Variants in ITSN2 observed in about 807,000 individuals in gnomAD.
ITSN2 encodes intersectin-2.
A neutral mutation model predicts 243.7 loss-of-function variants in ITSN2; 156 were observed. The ratio of observed to expected loss-of-function variants is 0.64; its 90% CI spans 0.56 to 0.73. ITSN2 has a LOEUF of 0.73. Ranked by LOEUF, ITSN2 falls within the 30% of genes least tolerant of loss-of-function variation. ITSN2 has a pLI of 0.00. For synonymous variants in ITSN2, 703 were observed against 699.9 expected (o/e 1.00, Z -0.07); for missense variants, 1,801 against 1,996.1 (o/e 0.90, Z 1.86).
chr2:24,330,034 ATTC>A (rs1685597647), intron 1 of ITSN2, among the ~76,000 whole-genome samples: 1 of 152,252 alleles, frequency 6.6e-6, no homozygotes, highest in Middle Eastern at 3.2e-3. Flanking sequence ...AAGGGCCCTT[ATTC>A]ATTAGTTTTC....
intron 7 of ITSN2, among the ~76,000 whole-genome samples, chr2:24,309,720 A>T (rs1339437982): frequency 6.6e-6 from 1 of 152,210 alleles, no homozygotes; most frequent in Non-Finnish European, 1.5e-5. Context: ...TTAGATGGGT[A>T]AACTATGGCT....
At chr2:24,289,039 A>C (rs956797678) in intron 15 of ITSN2, among the ~76,000 whole-genome samples, 5 of 152,306 alleles carry the variant, frequency 3.3e-5, no homozygotes, top group East Asian at 3.9e-4. Flanking sequence ...TAATATTTGC[A>C]AACAGGCAGT....
At chr2:24,236,626 A>G (rs1416952055) in intron 29 of ITSN2, among the ~76,000 whole-genome samples, 1 of 149,576 alleles carries the variant, frequency 6.7e-6, no homozygotes, top group African/African-American at 2.5e-5. Flanking sequence ...TCCTTTTTAC[A>G]TAGAGAAAAG....
In ITSN2 at chr2:24,323,793, C is replaced by A. The variant is rs1255081488; in HGVS notation, c.31+4259G>T. ...TTAGGAGTCCTCAATAAATTAGTTT[C>A]CTTATTCAACCCAATCCCAGGGAAC... On this transcript the variant is annotated intron_variant, in intron 2 of 39. Coordinates refer to ENST00000355123, the MANE Select transcript of ITSN2 (RefSeq NM_006277.3). Among the ~76,000 whole-genome samples, 3 of 152,160 alleles carry A rather than the reference C, an allele frequency of 2.0e-5. No individual in the cohort carries two copies. In the East Asian group the frequency reaches 5.8e-4, roughly 29 times the overall value.
chr2:24,239,755 G>A (rs1672525897), intron 29 of ITSN2: 1 of 151,998 alleles, frequency 6.6e-6, no homozygotes, highest in South Asian at 2.1e-4. Flanking sequence ...GGCTGAATGA[G>A]GTATTGCAAA....
At chr2:24,291,410 T>C (rs1297962270) in intron 15 of ITSN2, among the ~76,000 whole-genome samples, 3 of 152,052 alleles carry the variant, frequency 2.0e-5, no homozygotes, top group Non-Finnish European at 4.4e-5. Flanking sequence ...ATTACAGGCA[T>C]GAGCCACAGT....
rs186629736 is a variant in ITSN2, at chr2:24,340,409, G to A, written c.-33-12294C>T. Among the ~76,000 whole-genome samples, 228 of 151,488 alleles carry A rather than the reference G, an allele frequency of 1.5e-3. 1 individual carries two copies. The highest frequency in any genetic ancestry group is 5.2e-3 in the African/African-American group (214 of 41,278). ...GGCAGGAGAATCGCTTGAACCCGGG[G>A]GGTGGAGGTTACAGCGAACTGAGAT... On this transcript the variant is annotated intron_variant, in intron 1 of 39. Coordinates refer to ENST00000355123, the MANE Select transcript of ITSN2 (RefSeq NM_006277.3).
chr2:24,205,213 C>T lies in ITSN2; in HGVS notation c.4762+1G>A. On this transcript the variant is annotated splice_donor_variant, in intron 38 of 39. Transcript: ENST00000355123. LOFTEE classifies it high-confidence loss of function. The stretch of plus-strand genomic sequence containing the variant: ...GCTGAATGAATCAAGGCAGTATTTA[C>T]CATTTGGTTTGCAGGCTTTTAATTC... 1.2e-5 allele frequency: 19 copies of T among 1,612,836 alleles called. No homozygotes were observed. The highest frequency in any genetic ancestry group is 1.6e-5 in the Non-Finnish European group (19 of 1,178,938).
intron 30 of ITSN2, among the ~76,000 whole-genome samples, chr2:24,219,448 G>A (rs1156705923): frequency 6.6e-6 from 1 of 152,212 alleles, no homozygotes; most frequent in East Asian, 1.9e-4. Flanking sequence ...CGGCCGGCCT[G>A]CTCGGAGGCT....
intron 2 of ITSN2, among the ~76,000 whole-genome samples, chr2:24,327,058 T>C (rs1202746953): frequency 6.6e-6 from 1 of 152,048 alleles, no homozygotes; most frequent in African/African-American, 2.4e-5. Flanking sequence ...TATTTCCTGA[T>C]ATTTATCTAC....
intron 2 of ITSN2, among the ~76,000 whole-genome samples, chr2:24,321,064 C>A (rs555710951): frequency 1.3e-5 from 2 of 152,290 alleles, no homozygotes; most frequent in African/African-American, 4.8e-5. Flanking sequence ...AGACAATTCT[C>A]CATGAGTTTC....
At chr2:24,252,676 CA>C (rs1360087313) in intron 24 of ITSN2, among the ~76,000 whole-genome samples, 165 bp from the exon 25 acceptor site, 3 of 152,122 alleles carry the variant, frequency 2.0e-5, no homozygotes, top group African/African-American at 7.2e-5. Context: ...AGGAACGAAG[CA>C]ATTATTTAAT....
At chr2:24,281,475 T>C (rs1678769314) in intron 17 of ITSN2, among the ~76,000 whole-genome samples, 1 of 152,226 alleles carries the variant, frequency 6.6e-6, no homozygotes. Flanking sequence ...TGTCAAGATC[T>C]GTAACTCTTC....
chr2:24,276,000 T>TA lies in ITSN2; in HGVS notation c.1945-152dup, dbSNP rs560292930. 1.6e-4 allele frequency: 83 copies of TA among 529,138 alleles called. No individual in the cohort carries two copies. In the Middle Eastern group the frequency reaches 2.1e-3, roughly 13 times the overall value. The allele number at this position is 529,138 out of a possible 1,614,324, so 32.8% of individuals were successfully genotyped here. A position where few individuals can be genotyped will look rare whatever the true frequency, so the allele number is the denominator to read the frequency against. On this transcript the variant is annotated intron_variant, in intron 17 of 39. Coordinates refer to ENST00000355123, the MANE Select transcript of ITSN2 (RefSeq NM_006277.3). ...AAAGTTTTAAAAAATATCTAGATGATAAAAAAAACCTTAAGTATTTAAACC... is the reference window on the plus strand; with the variant it reads ...AAAGTTTTAAAAAATATCTAGATGATAAAAAAAAACCTTAAGTATTTAAACC...
At chr2:24,287,132 T>G (rs1180871046) in intron 15 of ITSN2, among the ~76,000 whole-genome samples, 2 of 152,168 alleles carry the variant, frequency 1.3e-5, no homozygotes, top group African/African-American at 2.4e-5. Flanking sequence ...GATGTGTACA[T>G]ACTCAACTTT....
At chr2:24,276,737 T>C (rs1678060076) in intron 17 of ITSN2, among the ~76,000 whole-genome samples, 1 of 152,126 alleles carries the variant, frequency 6.6e-6, no homozygotes, top group South Asian at 2.1e-4. Context: ...ACCTAAACAA[T>C]CACAGCACCT....
intron 22 of ITSN2, among the ~76,000 whole-genome samples, chr2:24,259,589 A>G (rs1675539048): frequency 6.6e-6 from 1 of 152,186 alleles, no homozygotes; most frequent in Non-Finnish European, 1.5e-5. Context: ...CCCTTTCTCC[A>G]TGAATCCTGT....
intron 1 of ITSN2, among the ~76,000 whole-genome samples, chr2:24,344,086 TTATTTTC>T (rs1159402966): frequency 2.6e-5 from 4 of 152,374 alleles, no homozygotes; most frequent in African/African-American, 9.6e-5. Flanking sequence ...TAATATTCTA[TTATTTTC>T]ATTACACATA....
In ITSN2 at chr2:24,216,219, G is replaced by C. The variant is rs766124538; in HGVS notation, c.3820C>G (p.Arg1274Gly). 1 of 1,600,254 alleles carries C rather than the reference G, an allele frequency of 6.2e-7. No individual in the cohort carries two copies. The highest frequency in any genetic ancestry group is 8.5e-7 in the Non-Finnish European group (1 of 1,173,714). ...NTKLLKALRV[R>G]KKTGGEKMPV... ...ATCTTCTCGCCCCCGGTCTTCTTCCGCACCCGCAAAGCCCTGCCAAGAACA... is the reference window on the plus strand; with the variant it reads ...ATCTTCTCGCCCCCGGTCTTCTTCCCCACCCGCAAAGCCCTGCCAAGAACA... Residue 1274 changes from arginine (R) to glycine (G), a missense_variant, in exon 32 of 40, where the codon CGG (arginine) becomes GGG (glycine). This residue lies in a region of ITSN2 where 928 missense variants were observed against 1,065.4 expected (regional missense o/e 0.87). Transcript: ENST00000355123.
Sources: allele counts gnomAD v4.1 joint callset (sites outside exome capture counted in the v4.1 genomes callset), GRCh38; gene constraint gnomAD v4.1.1; regional missense constraint gnomAD v4.1.1; transcripts MANE v1.5; gene names NCBI Gene and HGNC (gene_info 2026-07-23, HGNC 2026-07-21).